Variants in ANKRD30A observed in about 807,000 individuals in gnomAD.
ANKRD30A encodes the protein ankyrin repeat domain-containing protein 30A.
A neutral mutation model predicts 166.3 loss-of-function variants in ANKRD30A; 170 were observed. That is an observed-to-expected ratio of 1.02 (90% CI 0.90 to 1.16). The LOEUF (loss-of-function observed/expected upper bound fraction) is 1.16, where lower values mean the gene tolerates loss of function less well. Ranked by LOEUF, ANKRD30A falls within the 50% of genes most tolerant of loss-of-function variation. ANKRD30A has a pLI of 0.00. For missense variants in ANKRD30A, 1,630 were observed against 1,518.0 expected (o/e 1.07, Z -1.23); for synonymous variants, 564 against 508.9 (o/e 1.11, Z -1.46).
In ANKRD30A at chr10:37,216,438, TA is replaced by T. The variant is rs778768249; in HGVS notation, c.3083+48del. The T allele has an allele frequency of 4.0e-6, 6 of 1,505,552 alleles. No individual in the cohort carries two copies. The Admixed American group carries it at 1.3e-4, about 32-fold the overall frequency. The allele number at this position is 1,505,552 out of a possible 1,614,324, so 93.3% of individuals were successfully genotyped here. A position where few individuals can be genotyped will look rare whatever the true frequency, so the allele number is the denominator to read the frequency against. On this transcript the variant is annotated intron_variant, in intron 32 of 35. Transcript: ENST00000361713. ...AAATAAATATTTCAGCTATTTATACTAAAACTACGTAGGATACTTTTTGTAA... is the reference window on the plus strand; with the variant it reads ...AAATAAATATTTCAGCTATTTATACTAAACTACGTAGGATACTTTTTGTAA...
chr10:37,228,369 A>G (rs1376650083), intron 34 of ANKRD30A, among the ~76,000 whole-genome samples: 1 of 151,980 alleles, frequency 6.6e-6, no homozygotes, highest in Non-Finnish European at 1.5e-5. Flanking sequence ...TAACATTCAA[A>G]CCCACTACAT....
the ANKRD30A span, among the ~76,000 whole-genome samples, chr10:37,253,430 C>T: frequency 6.6e-6 from 1 of 152,122 alleles, no homozygotes; most frequent in African/African-American, 2.4e-5. Flanking sequence ...ACCATTACTA[C>T]AATCCATTAT....
chr10:37,231,531 A>C lies in ANKRD30A; in HGVS notation c.*62A>C. On this transcript the variant is annotated 3_prime_UTR_variant, in exon 35 of 36. Transcript: ENST00000361713. ...CAGACCAGATCTTTACTCACAACTC[A>C]TGCTAGGAGGCCAGTCCTAGCATCA... The C allele has an allele frequency of 3.7e-4, 530 of 1,429,834 alleles. No homozygotes were observed. The highest frequency in any genetic ancestry group is 4.4e-4 in the Non-Finnish European group (462 of 1,043,166). The allele number at this position is 1,429,834 out of a possible 1,614,324, so 88.6% of individuals were successfully genotyped here. A position where few individuals can be genotyped will look rare whatever the true frequency, so the allele number is the denominator to read the frequency against.
intron 33 of ANKRD30A, 55 bp from the exon 34 acceptor site, chr10:37,218,925 C>A: frequency 8.6e-7 from 1 of 1,156,584 alleles, no homozygotes; most frequent in Non-Finnish European, 1.2e-6. Flanking sequence ...TTCAGAGGAA[C>A]CATGATATGC....
intron 34 of ANKRD30A, among the ~76,000 whole-genome samples, chr10:37,220,888 A>C (rs1842868036): frequency 6.6e-6 from 1 of 151,266 alleles, no homozygotes; most frequent in Admixed American, 6.6e-5. Context: ...AAGCCTTTGA[A>C]ATAAAAATAC....
At chr10:37,161,728 G>T (rs1046670226) in intron 15 of ANKRD30A, among the ~76,000 whole-genome samples, 1 of 152,072 alleles carries the variant, frequency 6.6e-6, no homozygotes, top group East Asian at 1.9e-4. Flanking sequence ...TATATATTTT[G>T]TTGCTGTTCG....
the ANKRD30A span, among the ~76,000 whole-genome samples, chr10:37,246,512 T>A: frequency 6.6e-6 from 1 of 152,226 alleles, no homozygotes; most frequent in African/African-American, 2.4e-5. Flanking sequence ...CTTAGCAAAC[T>A]ATTTCTTTGC....
intron 34 of ANKRD30A, 89 bp from the exon 35 acceptor site, chr10:37,231,372 A>G (rs1843405895): frequency 4.6e-6 from 5 of 1,087,668 alleles, no homozygotes; most frequent in Non-Finnish European, 6.6e-6. Flanking sequence ...TTATTCTTAT[A>G]GAAGGGTTTT....
intron 15 of ANKRD30A, among the ~76,000 whole-genome samples, chr10:37,159,486 T>C (rs1439071173): frequency 1.3e-5 from 2 of 152,046 alleles, no homozygotes; most frequent in Non-Finnish European, 2.9e-5. Flanking sequence ...CCACTTTAGC[T>C]TGAGTGACAG....
chr10:37,247,906 T>G, the ANKRD30A span, among the ~76,000 whole-genome samples: 6 of 132,326 alleles, frequency 4.5e-5, no homozygotes, highest in Non-Finnish European at 8.2e-5. Context: ...AAAGAAAAAA[T>G]AACTAATGAA....
rs919161863 is a variant in ANKRD30A, at chr10:37,126,080, G to C, written c.221+72G>C. 3.3e-6 allele frequency: 5 copies of C among 1,509,066 alleles called. No individual in the cohort carries two copies. In the African/African-American group the frequency reaches 4.1e-5, roughly 12 times the overall value. 93.5% of individuals were successfully genotyped at this position (1,509,066 alleles called of 1,614,324 possible). On this transcript the variant is annotated intron_variant, in intron 1 of 35. Coordinates refer to ENST00000361713, the MANE Select transcript of ANKRD30A (RefSeq NM_052997.3). Reference sequence around the variant, plus strand: ...GTGGGAGGATCGCCCCTTCAGAGTCGGGGGCTGGGGGGCCTGGGGAAGAAG... The same window carrying C: ...GTGGGAGGATCGCCCCTTCAGAGTCCGGGGCTGGGGGGCCTGGGGAAGAAG...
At chr10:37,203,024 G>A (rs938825458) in intron 31 of ANKRD30A, among the ~76,000 whole-genome samples, 2 of 152,002 alleles carry the variant, frequency 1.3e-5, no homozygotes, top group Non-Finnish European at 2.9e-5. Context: ...GTCCAGGACT[G>A]GACAGATTCC....
intron 21 of ANKRD30A, among the ~76,000 whole-genome samples, chr10:37,172,547 T>C (rs1261452012): frequency 2.1e-5 from 3 of 146,156 alleles, no homozygotes; most frequent in South Asian, 2.1e-4. Context: ...TAATTTCTTT[T>C]TTTTTTTTTT....
At chr10:37,201,192 G>T in intron 30 of ANKRD30A, 43 bp from the exon 31 acceptor site, 1 of 1,404,432 alleles carries the variant, frequency 7.1e-7, no homozygotes, top group Non-Finnish European at 9.6e-7. Context: ...TTCATTATTA[G>T]GATTTTTCCA....
intron 21 of ANKRD30A, among the ~76,000 whole-genome samples, chr10:37,171,082 G>A (rs1402714156): frequency 1.2e-5 from 1 of 86,812 alleles, no homozygotes; most frequent in Non-Finnish European, 2.6e-5. Context: ...GGAATTACAG[G>A]CATGAGGCAC....
At chr10:37,263,202 A>C in the ANKRD30A span, among the ~76,000 whole-genome samples, 7 of 151,932 alleles carry the variant, frequency 4.6e-5, no homozygotes, top group African/African-American at 1.7e-4. Flanking sequence ...TGCTAAAAAA[A>C]AAAAAAAATG....
At chr10:37,262,655 T>C in the ANKRD30A span, 2 of 153,558 alleles carry the variant, frequency 1.3e-5, no homozygotes, top group Admixed American at 6.5e-5. Flanking sequence ...TCAAATTTGT[T>C]ATGTAAAAAT....
chr10:37,134,649 A>T (rs1836570587), intron 5 of ANKRD30A, among the ~76,000 whole-genome samples: 1 of 152,168 alleles, frequency 6.6e-6, no homozygotes, highest in African/African-American at 2.4e-5. Context: ...AAGTACCAGC[A>T]CCCTGCTCTG....
intron 31 of ANKRD30A, among the ~76,000 whole-genome samples, chr10:37,213,867 G>A (rs1439371557): frequency 6.6e-6 from 1 of 151,342 alleles, no homozygotes; most frequent in African/African-American, 2.4e-5. Context: ...AACATGTTTT[G>A]TATGACTTAA....
Sources: gnomAD v4.1 joint callset for allele counts (sites outside exome capture counted in the v4.1 genomes callset) on GRCh38, gnomAD v4.1.1 for gene constraint, MANE v1.5 for transcripts, NCBI Gene and HGNC (gene_info 2026-07-23, HGNC 2026-07-21) for gene names.